B3GALT1: variants seen among roughly 807,000 people sequenced by gnomAD.
B3GALT1 encodes the protein UDP-Gal:betaGlcNAc beta 1,3-galactosyltransferase, polypeptide 1.
Under a neutral mutation model 23.2 loss-of-function variants are expected in B3GALT1, and 10 were observed. The observed-to-expected ratio is 0.43, with a 90% CI of 0.27 to 0.73. The LOEUF (loss-of-function observed/expected upper bound fraction) is 0.73. B3GALT1 is among the 30% of genes least tolerant of loss of function. The probability of loss-of-function intolerance (pLI) is 0.21; values close to 1 mark genes in which losing one functional copy is unlikely to be tolerated. For synonymous variants in B3GALT1, 156 were observed against 141.5 expected (o/e 1.10, Z -0.73); for missense variants, 299 against 405.4 (o/e 0.74, Z 2.25).
intron 3 of B3GALT1, among the ~76,000 whole-genome samples, chr2:167,734,236 G>A (rs988002274): frequency 6.6e-6 from 1 of 152,138 alleles, no homozygotes; most frequent in Non-Finnish European, 1.5e-5. Flanking sequence ...CTTTCAGAGT[G>A]AATCAGTGAG....
chr2:167,465,854 G>C (rs1699335690), intron 1 of B3GALT1, among the ~76,000 whole-genome samples: 1 of 151,972 alleles, frequency 6.6e-6, no homozygotes, highest in Admixed American at 6.6e-5. Context: ...GACAATTTGA[G>C]GAAGATGTGA....
chr2:167,675,950 C>T (rs1686417049), intron 3 of B3GALT1, among the ~76,000 whole-genome samples: 1 of 151,470 alleles, frequency 6.6e-6, no homozygotes, highest in Non-Finnish European at 1.5e-5. Flanking sequence ...CTACCAAAAC[C>T]ATCTCCAGAG....
intron 3 of B3GALT1, among the ~76,000 whole-genome samples, chr2:167,690,370 ATTAT>A (rs1035823026): frequency 6.6e-5 from 10 of 152,048 alleles, no homozygotes; most frequent in Admixed American, 2.6e-4. Context: ...TCAAAAATAA[ATTAT>A]TTATAAGTAC....
chr2:167,649,071 T>C (rs1685809400), intron 3 of B3GALT1, among the ~76,000 whole-genome samples: 1 of 152,106 alleles, frequency 6.6e-6, no homozygotes, highest in South Asian at 2.1e-4. Context: ...TTTTATTGAC[T>C]CACTGGACCT....
intron 2 of B3GALT1, among the ~76,000 whole-genome samples, chr2:167,536,622 T>C (rs1275456858): frequency 1.1e-4 from 16 of 152,160 alleles, no homozygotes; most frequent in Non-Finnish European, 1.5e-5. Flanking sequence ...GTATTAGAGA[T>C]AAAGATATAT....
At chr2:167,690,828 T>G (rs1277821008) in intron 3 of B3GALT1, among the ~76,000 whole-genome samples, 1 of 152,148 alleles carries the variant, frequency 6.6e-6, no homozygotes, top group East Asian at 1.9e-4. Flanking sequence ...AGCTTTGCTT[T>G]GCCAATTTTC....
chr2:167,499,072 T>A (rs1370245394), intron 2 of B3GALT1, among the ~76,000 whole-genome samples: 2 of 152,162 alleles, frequency 1.3e-5, no homozygotes, highest in African/African-American at 4.8e-5. Flanking sequence ...CATTTTATAT[T>A]AAAAGAATTC....
chr2:167,503,605 C>T (rs1353755079), intron 2 of B3GALT1, among the ~76,000 whole-genome samples: 7 of 152,210 alleles, frequency 4.6e-5, no homozygotes, highest in African/African-American at 9.6e-5. Flanking sequence ...ACCAAACGTA[C>T]TCTTCCCTTG....
intron 3 of B3GALT1, among the ~76,000 whole-genome samples, chr2:167,698,164 T>G (rs901268255): frequency 7.2e-5 from 11 of 152,144 alleles, no homozygotes; most frequent in Non-Finnish European, 1.5e-4. Context: ...GTTTTGCAAA[T>G]TAGTAGTTCT....
At chr2:167,845,838 G>T (rs1689747130) in intron 4 of B3GALT1, among the ~76,000 whole-genome samples, 1 of 151,842 alleles carries the variant, frequency 6.6e-6, no homozygotes, top group African/African-American at 2.4e-5. Context: ...AAAGCTCAAT[G>T]CAAGGAAATC....
At chr2:167,590,020 C>T (rs1264194584) in intron 2 of B3GALT1, among the ~76,000 whole-genome samples, 2 of 152,046 alleles carry the variant, frequency 1.3e-5, no homozygotes, top group African/African-American at 4.8e-5. Context: ...ATTGTGTTGA[C>T]AGCTGCTAAC....
intron 3 of B3GALT1, chr2:167,714,528 C>T: frequency 7.4e-6 from 12 of 1,612,618 alleles, no homozygotes; most frequent in Non-Finnish European, 1.0e-5. Flanking sequence ...CGCTCTCTGC[C>T]AAATGTTGTA....
At chr2:167,583,675 A>G (rs1377805945) in intron 2 of B3GALT1, among the ~76,000 whole-genome samples, 1 of 145,150 alleles carries the variant, frequency 6.9e-6, no homozygotes, top group African/African-American at 2.6e-5. Flanking sequence ...TTTGATATTG[A>G]TCATACATAT....
At chr2:167,298,150 A>C (rs1696386238) in intron 1 of B3GALT1, among the ~76,000 whole-genome samples, 1 of 152,144 alleles carries the variant, frequency 6.6e-6, no homozygotes, top group African/African-American at 2.4e-5. Context: ...TGAAACTGTT[A>C]ATGAGAGCTA....
chr2:167,304,910 G>T (rs1227303734), intron 1 of B3GALT1, among the ~76,000 whole-genome samples: 1 of 152,172 alleles, frequency 6.6e-6, no homozygotes, highest in Non-Finnish European at 1.5e-5. Flanking sequence ...AAGAACATCA[G>T]TGTCCAAGGA....
At chr2:167,417,603 T>C (rs1011793211) in intron 1 of B3GALT1, among the ~76,000 whole-genome samples, 1 of 152,206 alleles carries the variant, frequency 6.6e-6, no homozygotes, top group African/African-American at 2.4e-5. Flanking sequence ...TCTTAAGAAG[T>C]AGTTAAAGGA....
chr2:167,429,220 G>T (rs1212085110), intron 1 of B3GALT1, among the ~76,000 whole-genome samples: 1 of 148,772 alleles, frequency 6.7e-6, no homozygotes, highest in African/African-American at 2.5e-5. Context: ...GGCAGAGCTT[G>T]CAGTGAGCCG....
chr2:167,661,738 C>A (rs975761149), intron 3 of B3GALT1, among the ~76,000 whole-genome samples: 1 of 152,026 alleles, frequency 6.6e-6, no homozygotes, highest in East Asian at 1.9e-4. Flanking sequence ...GAATAAGGTG[C>A]TTTGAGAATT....
intron 4 of B3GALT1, among the ~76,000 whole-genome samples, chr2:167,861,092 T>G (rs762707822): frequency 6.6e-6 from 1 of 152,164 alleles, no homozygotes; most frequent in African/African-American, 2.4e-5. Flanking sequence ...GACTTAGGAT[T>G]TTTTGACATT....
Sources: gnomAD v4.1 joint callset for allele counts (sites outside exome capture counted in the v4.1 genomes callset) on GRCh38, gnomAD v4.1.1 for gene constraint, MANE v1.5 for transcripts, NCBI Gene and HGNC (gene_info 2026-07-23, HGNC 2026-07-21) for gene names.